Variants in UTRN observed in about 807,000 individuals in gnomAD.
UTRN encodes dystrophin-related protein 1.
UTRN carries 283 observed loss-of-function variants against 463.9 expected under a neutral mutation model. The ratio of observed to expected loss-of-function variants is 0.61; its 90% CI spans 0.55 to 0.67. UTRN has a LOEUF of 0.67. UTRN is among the 30% of genes least tolerant of loss of function. The pLI, the probability that UTRN is intolerant of heterozygous loss-of-function variation, is 0.00. For missense variants in UTRN, 3,922 were observed against 4,084.3 expected (o/e 0.96, Z 1.08); for synonymous variants, 1,442 against 1,431.5 (o/e 1.01, Z -0.17).
intron 2 of UTRN, among the ~76,000 whole-genome samples, chr6:144,377,764 G>C (rs1780589603): frequency 6.6e-6 from 1 of 152,202 alleles, no homozygotes; most frequent in Non-Finnish European, 1.5e-5. Context: ...GAAGTTAAAA[G>C]ACAGGGCACT....
intron 45 of UTRN, among the ~76,000 whole-genome samples, chr6:144,540,222 T>A (rs1026402784): frequency 3.3e-5 from 5 of 151,988 alleles, no homozygotes; most frequent in African/African-American, 1.2e-4. Flanking sequence ...TACCATTATT[T>A]TTTTTTTGCC....
At position 144,490,962 on chromosome 6, in the gene UTRN, CT is replaced by C; in HGVS notation, c.4301del (p.Phe1434SerfsTer21). On this transcript the variant is annotated frameshift_variant, in exon 32 of 75. Coordinates refer to ENST00000367545, the MANE Select transcript of UTRN (RefSeq NM_007124.3). LOFTEE classifies it high-confidence loss of function. ...KLREVSTKFQ[L>X]FQKPANFEQR... ...CCGAGAGGTGTCCACAAAGTTCCAG[CT>C]TTTCCAGAAGCCAGCTAACTTCGAG... 6.2e-7 allele frequency: 1 copy of C among 1,608,842 alleles called. No individual in the cohort carries two copies. Among genetic ancestry groups the C allele is most frequent in the Non-Finnish European group, 8.5e-7 (1 of 1,177,456 alleles).
intron 6 of UTRN, 45 bp downstream of exon 6, chr6:144,424,123 T>A: frequency 6.3e-7 from 1 of 1,589,306 alleles, no homozygotes; most frequent in East Asian, 2.2e-5. Context: ...GGAAAATGTG[T>A]TGTTTGTCTT....
At chr6:144,810,338 T>C (rs1180422874) in intron 65 of UTRN, among the ~76,000 whole-genome samples, 1 of 152,122 alleles carries the variant, frequency 6.6e-6, no homozygotes, top group Non-Finnish European at 1.5e-5. Flanking sequence ...TTGGTTGTTA[T>C]GAAAAAGAGA....
intron 51 of UTRN, among the ~76,000 whole-genome samples, chr6:144,602,612 G>A (rs1043381289): frequency 2.6e-5 from 4 of 152,086 alleles, no homozygotes; most frequent in African/African-American, 9.7e-5. Flanking sequence ...CTGTCATAGT[G>A]GTGGGAGTAG....
At chr6:144,753,563 G>A (rs1351275824) in intron 56 of UTRN, among the ~76,000 whole-genome samples, 2 of 152,012 alleles carry the variant, frequency 1.3e-5, no homozygotes, top group Admixed American at 6.5e-5. Context: ...AGGTTACAGT[G>A]AGCTATGTTT....
intron 19 of UTRN, among the ~76,000 whole-genome samples, chr6:144,455,904 A>AAT (rs1788765105): frequency 6.6e-6 from 1 of 152,232 alleles, no homozygotes; most frequent in Admixed American, 6.5e-5. Flanking sequence ...TTCACATGAA[A>AAT]GTGCTACTTG....
chr6:144,751,698 G>A, intron 55 of UTRN, 108 bp from the exon 56 acceptor site: 1 of 1,070,438 alleles, frequency 9.3e-7, no homozygotes, highest in South Asian at 2.2e-5. Flanking sequence ...AGAAAAATCT[G>A]TGCATATGTG....
intron 51 of UTRN, among the ~76,000 whole-genome samples, chr6:144,603,679 C>T (rs1022768477): frequency 3.3e-5 from 5 of 152,080 alleles, no homozygotes; most frequent in Non-Finnish European, 7.4e-5. Context: ...AACAAAATTT[C>T]AGTCTTTATC....
intron 34 of UTRN, among the ~76,000 whole-genome samples, chr6:144,506,634 T>G (rs1416974007): frequency 3.3e-5 from 5 of 152,244 alleles, no homozygotes; most frequent in Non-Finnish European, 7.3e-5. Context: ...AGATCTGCAT[T>G]AGTCTGATGG....
At chr6:144,478,709 C>T (rs970232610) in intron 25 of UTRN, among the ~76,000 whole-genome samples, 1 of 152,192 alleles carries the variant, frequency 6.6e-6, no homozygotes, top group African/African-American at 2.4e-5. Context: ...CACCTAGCAG[C>T]CAAGCAGGCC....
intron 33 of UTRN, among the ~76,000 whole-genome samples, chr6:144,495,173 A>G (rs1000050580): frequency 5.9e-5 from 9 of 152,158 alleles, no homozygotes; most frequent in African/African-American, 2.2e-4. Context: ...TGGGTGGTCA[A>G]TGGGAGTGGG....
chr6:144,650,690 C>A (rs955151968), intron 51 of UTRN, among the ~76,000 whole-genome samples: 1 of 152,158 alleles, frequency 6.6e-6, no homozygotes, highest in Admixed American at 6.5e-5. Context: ...GCGGGCAGAT[C>A]ACAAGGTCAG....
intron 51 of UTRN, among the ~76,000 whole-genome samples, chr6:144,611,700 T>G (rs982264523): frequency 3.3e-5 from 5 of 151,904 alleles, no homozygotes; most frequent in Admixed American, 6.6e-5. Context: ...GAAGAAAAAT[T>G]AAAGAAAACA....
At chr6:144,795,333 C>T (rs1479995518) in intron 63 of UTRN, among the ~76,000 whole-genome samples, 1 of 152,132 alleles carries the variant, frequency 6.6e-6, no homozygotes, top group African/African-American at 2.4e-5. Context: ...AGTAAACATA[C>T]GTGCGCATGT....
intron 73 of UTRN, among the ~76,000 whole-genome samples, chr6:144,843,853 T>C (rs1299891159): frequency 6.6e-6 from 1 of 152,200 alleles, no homozygotes; most frequent in Non-Finnish European, 1.5e-5. Flanking sequence ...AAGCTGTTGG[T>C]TTAAAAGTAT....
At chr6:144,772,077 A>G (rs1794125911) in intron 59 of UTRN, 109 bp downstream of exon 59, 3 of 678,198 alleles carry the variant, frequency 4.4e-6, no homozygotes, top group African/African-American at 4.8e-5. Context: ...GCTGTTGCCC[A>G]GGCTGGAGTG....
intron 3 of UTRN, among the ~76,000 whole-genome samples, chr6:144,408,252 T>C (rs1783591329): frequency 6.6e-6 from 1 of 152,248 alleles, no homozygotes; most frequent in South Asian, 2.1e-4. Flanking sequence ...TTCCATTGTA[T>C]GGTGTGTATG....
At chr6:144,404,734 G>T (rs1783231713) in intron 3 of UTRN, among the ~76,000 whole-genome samples, 1 of 152,160 alleles carries the variant, frequency 6.6e-6, no homozygotes, top group Admixed American at 6.5e-5. Flanking sequence ...TGAAAATGGA[G>T]AGAAATAGGT....
Sources: allele counts gnomAD v4.1 joint callset (sites outside exome capture counted in the v4.1 genomes callset), GRCh38; gene constraint gnomAD v4.1.1; transcripts MANE v1.5; gene names NCBI Gene and HGNC (gene_info 2026-07-23, HGNC 2026-07-21).